The following CCDC7 variants were observed in gnomAD, a reference collection of about 807,000 sequenced individuals.
The protein encoded by CCDC7 is coiled-coil domain-containing protein 7.
In CCDC7, 183 loss-of-function variants were observed where a neutral mutation model predicts 196.9. That is an observed-to-expected ratio of 0.93 (90% CI 0.82 to 1.05). The LOEUF is 1.05. CCDC7 is among the 50% of genes least tolerant of loss of function. The pLI is 0.00. For missense variants in CCDC7, 1,540 were observed against 1,482.2 expected, an observed-to-expected ratio of 1.04 and a Z score of -0.64; for synonymous variants, 525 against 484.6, an observed-to-expected ratio of 1.08 and a Z score of -1.10.
chr10:32,639,855 G>C (rs570732704), intron 20 of CCDC7, among the ~76,000 whole-genome samples: 1 of 152,056 alleles, frequency 6.6e-6, no homozygotes, highest in South Asian at 2.1e-4. Flanking sequence ...CTGACCTCGT[G>C]ATCCGCCTGC....
chr10:32,685,427 G>A (rs2076358219), intron 21 of CCDC7, among the ~76,000 whole-genome samples: 1 of 152,100 alleles, frequency 6.6e-6, no homozygotes, highest in African/African-American at 2.4e-5. Flanking sequence ...GCAGCCCAAA[G>A]CCATGGTTTT....
chr10:32,868,279 G>A (rs1169774570), intron 41 of CCDC7, among the ~76,000 whole-genome samples: 2 of 151,922 alleles, frequency 1.3e-5, no homozygotes, highest in Non-Finnish European at 2.9e-5. Context: ...ATAAATGAAA[G>A]TGGAATTACT....
At chr10:32,702,743 C>T (rs1463798392) in intron 24 of CCDC7, among the ~76,000 whole-genome samples, 2 of 150,940 alleles carry the variant, frequency 1.3e-5, no homozygotes, top group South Asian at 2.1e-4. Flanking sequence ...GTTAGCTCTT[C>T]TTGTTGATCC....
rs1203785955 is a variant in CCDC7, at chr10:32,684,694, C to T, written c.2123-1276C>T. 2.0e-5 allele frequency among the ~76,000 whole-genome samples: 3 copies of T among 152,338 alleles called. No individual in the cohort carries two copies. In the South Asian group the frequency reaches 6.2e-4, roughly 32 times the overall value. On this transcript the variant is annotated intron_variant, in intron 21 of 41. Coordinates refer to ENST00000639629, the Ensembl canonical transcript of CCDC7. ...GCAGTTCACACTAGCTGCTTCTAGT[C>T]AGCCATGTTGGTCTTAAAATCTGGA...
At chr10:32,864,303 C>G (rs1485636607) in intron 41 of CCDC7, among the ~76,000 whole-genome samples, 5 of 151,360 alleles carry the variant, frequency 3.3e-5, no homozygotes, top group African/African-American at 1.2e-4. Context: ...TGGAGAAATT[C>G]AAATCCTTTT....
chr10:32,642,754 T>C (rs1288517900), intron 20 of CCDC7, among the ~76,000 whole-genome samples: 4 of 152,188 alleles, frequency 2.6e-5, no homozygotes, highest in Non-Finnish European at 5.9e-5. Context: ...TCACTCACAC[T>C]GGGATCTGTA....
intron 18 of CCDC7, among the ~76,000 whole-genome samples, chr10:32,607,611 TATGTG>T (rs1466670973): frequency 6.6e-6 from 1 of 152,202 alleles, no homozygotes; most frequent in Non-Finnish European, 1.5e-5. Context: ...TGATTCTGTT[TATGTG>T]ATGTATCATG....
At chr10:32,866,839 T>C (rs114461177) in intron 41 of CCDC7, among the ~76,000 whole-genome samples, 62 of 151,772 alleles carry the variant, frequency 4.1e-4, no homozygotes, top group African/African-American at 1.4e-3. Context: ...AAAAGTACTT[T>C]ACAGTAGAGA....
intron 20 of CCDC7, 137 bp downstream of exon 21, chr10:32,635,295 A>T: frequency 2.6e-6 from 1 of 377,936 alleles, no homozygotes; most frequent in East Asian, 3.8e-5. Flanking sequence ...GTGTCTCTAT[A>T]ATTACTGAAT....
chr10:32,705,526 G>A, intron 24 of CCDC7, among the ~76,000 whole-genome samples: 1 of 152,050 alleles, frequency 6.6e-6, no homozygotes, highest in Non-Finnish European at 1.5e-5. Context: ...AGACTGACAA[G>A]TTGGATAAAG....
intron 32 of CCDC7, among the ~76,000 whole-genome samples, chr10:32,832,809 T>A (rs2092310348): frequency 6.6e-6 from 1 of 152,070 alleles, no homozygotes; most frequent in Admixed American, 6.6e-5. Context: ...TTAATTGATT[T>A]AAAATGTAAT....
chr10:32,704,055 C>A (rs1006543046), intron 24 of CCDC7, among the ~76,000 whole-genome samples: 3 of 152,126 alleles, frequency 2.0e-5, no homozygotes, highest in Non-Finnish European at 4.4e-5. Context: ...CCATTGCTGG[C>A]GAGCAGCTGC....
chr10:32,534,182 T>C (rs1284592681), intron 11 of CCDC7, among the ~76,000 whole-genome samples: 1 of 152,194 alleles, frequency 6.6e-6, no homozygotes, highest in Non-Finnish European at 1.5e-5. Flanking sequence ...TCCATTCTGC[T>C]GTTGAGAGCC....
At chr10:32,683,960 T>C (rs1007796159) in intron 21 of CCDC7, among the ~76,000 whole-genome samples, 7 of 152,278 alleles carry the variant, frequency 4.6e-5, no homozygotes, top group Admixed American at 3.3e-4. Context: ...CTCTATACTG[T>C]CTCTCTATCC....
At chr10:32,492,524 A>C (rs866818573) in intron 9 of CCDC7, among the ~76,000 whole-genome samples, 35 of 152,214 alleles carry the variant, frequency 2.3e-4, no homozygotes, top group South Asian at 2.1e-4. Flanking sequence ...AGGAAATTCT[A>C]ATACATGCTA....
intron 9 of CCDC7, among the ~76,000 whole-genome samples, chr10:32,509,739 T>C (rs1226821369): frequency 6.6e-6 from 1 of 152,166 alleles, no homozygotes; most frequent in Non-Finnish European, 1.5e-5. Flanking sequence ...CTTGAATAGA[T>C]ATTTTTCCAA....
At chr10:32,612,554 T>A (rs2062281641) in intron 18 of CCDC7, among the ~76,000 whole-genome samples, 1 of 152,164 alleles carries the variant, frequency 6.6e-6, no homozygotes, top group Non-Finnish European at 1.5e-5. Context: ...GGGCTGTGGG[T>A]TTGTCGTAAA....
chr10:32,812,212 A>G (rs1335367278), intron 30 of CCDC7, among the ~76,000 whole-genome samples: 1 of 152,074 alleles, frequency 6.6e-6, no homozygotes, highest in Admixed American at 6.6e-5. Context: ...ATAAATAGGC[A>G]CAAATATTAT....
chr10:32,836,933 T>A (rs996157713), intron 33 of CCDC7, among the ~76,000 whole-genome samples: 3 of 152,134 alleles, frequency 2.0e-5, no homozygotes, highest in African/African-American at 7.2e-5. Context: ...TCAAGATGGA[T>A]TAAAGACTTA....
Sources: allele counts gnomAD v4.1 joint callset (sites outside exome capture counted in the v4.1 genomes callset), GRCh38; gene constraint gnomAD v4.1.1; transcripts MANE v1.5; gene names NCBI Gene and HGNC (gene_info 2026-07-23, HGNC 2026-07-21).